PLPPR1: variants seen among roughly 807,000 people sequenced by gnomAD.
PLPPR1 encodes the protein phospholipid phosphatase-related protein type 1.
Under a neutral mutation model 33.1 loss-of-function variants are expected in PLPPR1, and 10 were observed. The observed-to-expected ratio is 0.30, with a 90% CI of 0.19 to 0.51. PLPPR1 has a LOEUF of 0.51. PLPPR1 is among the 20% of genes least tolerant of loss of function. The pLI, the probability that PLPPR1 is intolerant of heterozygous loss-of-function variation, is 0.97. For synonymous variants in PLPPR1, 151 were observed against 151.0 expected (o/e 1.00, Z 0.00); for missense variants, 304 against 408.1 (o/e 0.74, Z 2.20).
chr9:101,292,860 G>A (rs1270056309), intron 4 of PLPPR1, among the ~76,000 whole-genome samples: 3 of 151,916 alleles, frequency 2.0e-5, no homozygotes, highest in African/African-American at 2.4e-5. Flanking sequence ...ATGCCAAATT[G>A]TAAAGACCAT....
At chr9:101,254,579 C>T (rs1205280893) in intron 2 of PLPPR1, among the ~76,000 whole-genome samples, 1 of 152,096 alleles carries the variant, frequency 6.6e-6, no homozygotes, top group Admixed American at 6.6e-5. Flanking sequence ...GCTGGCTCTT[C>T]CATGCTGTGT....
chr9:101,095,241 A>G (rs1174484990), intron 1 of PLPPR1, among the ~76,000 whole-genome samples: 1 of 148,740 alleles, frequency 6.7e-6, no homozygotes, highest in Non-Finnish European at 1.5e-5. Flanking sequence ...TTTGAATAAC[A>G]TCTGAGATAA....
At chr9:101,120,849 C>T (rs1452094471) in intron 1 of PLPPR1, among the ~76,000 whole-genome samples, 1 of 152,200 alleles carries the variant, frequency 6.6e-6, no homozygotes, top group African/African-American at 2.4e-5. Flanking sequence ...TTACCATAAT[C>T]ACATCCATTG....
intron 4 of PLPPR1, among the ~76,000 whole-genome samples, chr9:101,288,557 GTAAAAAAA>G (rs1469363776): frequency 5.3e-5 from 8 of 149,762 alleles, no homozygotes; most frequent in East Asian, 1.9e-4. Flanking sequence ...GCTGGGTTTA[GTAAAAAAA>G]TAAAAAAATA....
At chr9:101,133,990 C>T (rs1831347626) in intron 1 of PLPPR1, among the ~76,000 whole-genome samples, 1 of 152,166 alleles carries the variant, frequency 6.6e-6, no homozygotes, top group Non-Finnish European at 1.5e-5. Flanking sequence ...AGATGATATA[C>T]ACAAGGCACT....
At chr9:101,267,065 C>G (rs1478160044) in intron 2 of PLPPR1, among the ~76,000 whole-genome samples, 1 of 152,150 alleles carries the variant, frequency 6.6e-6, no homozygotes, top group Non-Finnish European at 1.5e-5. Context: ...ATGGATGAGA[C>G]ACATGACACA....
intron 1 of PLPPR1, among the ~76,000 whole-genome samples, chr9:101,172,802 A>G (rs902590016): frequency 1.8e-4 from 27 of 152,042 alleles, no homozygotes; most frequent in African/African-American, 6.5e-4. Flanking sequence ...CCCTTGTTGT[A>G]TCATTGCCTA....
chr9:101,129,442 C>G (rs890657074), intron 1 of PLPPR1, among the ~76,000 whole-genome samples: 1 of 152,164 alleles, frequency 6.6e-6, no homozygotes, highest in Non-Finnish European at 1.5e-5. Context: ...GTATTTGTAA[C>G]AGCCCAGAAC....
chr9:101,172,614 G>A (rs1456225255), intron 1 of PLPPR1, among the ~76,000 whole-genome samples: 1 of 152,030 alleles, frequency 6.6e-6, no homozygotes, highest in African/African-American at 2.4e-5. Context: ...ACCCATGCAT[G>A]TGCTCATCAG....
chr9:101,292,059 T>C (rs924775837), intron 4 of PLPPR1, among the ~76,000 whole-genome samples: 3 of 151,984 alleles, frequency 2.0e-5, no homozygotes, highest in African/African-American at 7.3e-5. Context: ...TGTAGACGAA[T>C]ATATAACTAG....
chr9:101,256,309 C>T (rs987162308), intron 2 of PLPPR1, among the ~76,000 whole-genome samples: 6 of 152,168 alleles, frequency 3.9e-5, no homozygotes, highest in South Asian at 4.2e-4. Context: ...TTTGCTTACA[C>T]GTTCATAGAA....
chr9:101,112,606 A>G (rs145419638), intron 1 of PLPPR1, among the ~76,000 whole-genome samples: 43 of 152,312 alleles, frequency 2.8e-4, no homozygotes, highest in African/African-American at 1.0e-3. Flanking sequence ...GAACCCCCAC[A>G]TGACTCCATA....
intron 1 of PLPPR1, among the ~76,000 whole-genome samples, chr9:101,153,743 T>C (rs1831632426): frequency 9.1e-6 from 1 of 110,162 alleles, no homozygotes; most frequent in Non-Finnish European, 1.9e-5. Flanking sequence ...CCTGGCTATT[T>C]TTTTTGTATT....
chr9:101,189,622 C>T (rs980702009), intron 2 of PLPPR1, among the ~76,000 whole-genome samples: 1 of 152,016 alleles, frequency 6.6e-6, no homozygotes, highest in African/African-American at 2.4e-5. Flanking sequence ...ATTGTGTATC[C>T]TGAATATTAA....
intron 3 of PLPPR1, among the ~76,000 whole-genome samples, chr9:101,274,185 T>C (rs1000486056): frequency 1.3e-5 from 2 of 152,240 alleles, no homozygotes; most frequent in South Asian, 2.1e-4. Context: ...TTGATAATAC[T>C]GACAAACCCC....
chr9:101,227,969 G>C (rs887700983), intron 2 of PLPPR1, among the ~76,000 whole-genome samples: 1 of 152,056 alleles, frequency 6.6e-6, no homozygotes, highest in Non-Finnish European at 1.5e-5. Flanking sequence ...AGCAGAGATG[G>C]GGTTTCACCA....
At chr9:101,280,611 A>T (rs1185850511) in intron 3 of PLPPR1, among the ~76,000 whole-genome samples, 4 of 152,204 alleles carry the variant, frequency 2.6e-5, no homozygotes, top group Non-Finnish European at 4.4e-5. Context: ...CAGGGATGCA[A>T]GGATGGTTCA....
In PLPPR1 at chr9:101,044,304, A is replaced by T. The variant is rs76578111; in HGVS notation, c.-46+15202A>T. Among the ~76,000 whole-genome samples the T allele has an allele frequency of 6.2e-3, 949 of 152,190 alleles. 12 individuals carry two copies. The highest frequency in any genetic ancestry group is 0.022 in the African/African-American group (916 of 41,526). On this transcript the variant is annotated intron_variant, in intron 1 of 7. Transcript: ENST00000374874. ...CCTTGCTGCTGACTCCTACTGCTTG[A>T]TCCCCACACTCTCCCCTAGACAACT...
At chr9:101,314,015 T>C (rs1230529240) in intron 6 of PLPPR1, among the ~76,000 whole-genome samples, 2 of 152,342 alleles carry the variant, frequency 1.3e-5, no homozygotes, top group Admixed American at 6.5e-5. Context: ...AGTATTCCAT[T>C]GCATGGTCAC....
Sources: gnomAD v4.1 joint callset for allele counts (sites outside exome capture counted in the v4.1 genomes callset) on GRCh38, gnomAD v4.1.1 for gene constraint, MANE v1.5 for transcripts, NCBI Gene and HGNC (gene_info 2026-07-23, HGNC 2026-07-21) for gene names.